Variants in LEF1 observed in about 807,000 individuals in gnomAD.
LEF1 encodes lymphoid enhancer-binding factor 1.
In LEF1, 14 loss-of-function variants were observed where a neutral mutation model predicts 51.2. That is an observed-to-expected ratio of 0.27 (90% CI 0.18 to 0.43). The LOEUF (loss-of-function observed/expected upper bound fraction) is 0.43, where lower values mean the gene tolerates loss of function less well. LEF1 is among the 20% of genes least tolerant of loss of function. The pLI is 1.00. For missense variants in LEF1, 386 were observed against 512.0 expected (o/e 0.75, Z 2.37); for synonymous variants, 185 against 183.2 (o/e 1.01, Z -0.08).
At chr4:108,091,754 A>T (rs2110272877) in intron 3 of LEF1, among the ~76,000 whole-genome samples, 1 of 152,294 alleles carries the variant, frequency 6.6e-6, no homozygotes, top group Admixed American at 6.5e-5. Flanking sequence ...AAATACATGG[A>T]ATTTAGAATG....
chr4:108,064,571 G>A (rs371002327), intron 9 of LEF1, among the ~76,000 whole-genome samples, 187 bp from the exon 10 acceptor site: 6 of 152,156 alleles, frequency 3.9e-5, no homozygotes, highest in African/African-American at 9.6e-5. Context: ...GTGACCTGGT[G>A]ACCTTTGTCT....
intron 5 of LEF1, among the ~76,000 whole-genome samples, chr4:108,082,233 G>C (rs773256354): frequency 6.6e-6 from 1 of 152,068 alleles, no homozygotes; most frequent in Non-Finnish European, 1.5e-5. Context: ...TTTTCCCTCT[G>C]TTCTCTCTAC....
At chr4:108,099,483 A>G (rs1197134326) in intron 3 of LEF1, among the ~76,000 whole-genome samples, 1 of 148,916 alleles carries the variant, frequency 6.7e-6, no homozygotes. Context: ...CTGAGAGTCA[A>G]GTCTATACAC....
chr4:108,129,089 C>G (rs1313014867), intron 3 of LEF1, among the ~76,000 whole-genome samples: 1 of 152,158 alleles, frequency 6.6e-6, no homozygotes, highest in African/African-American at 2.4e-5. Flanking sequence ...CAGGACATCC[C>G]TTCTGCTTCT....
intron 3 of LEF1, among the ~76,000 whole-genome samples, chr4:108,158,721 T>C (rs1026927186): frequency 1.3e-5 from 2 of 151,392 alleles, no homozygotes; most frequent in Non-Finnish European, 2.9e-5. Context: ...CTAAAGAACA[T>C]TAAAAAAAAA....
chr4:108,061,122 G>A (rs186111973), intron 11 of LEF1, among the ~76,000 whole-genome samples: 187 of 152,266 alleles, frequency 1.2e-3, no homozygotes, highest in African/African-American at 4.2e-3. Context: ...TGACTGATCC[G>A]GGAATGAGAG....
At chr4:108,126,344 G>T (rs1411249143) in intron 3 of LEF1, among the ~76,000 whole-genome samples, 2 of 152,086 alleles carry the variant, frequency 1.3e-5, no homozygotes, top group Non-Finnish European at 2.9e-5. Flanking sequence ...TGATCTTCTT[G>T]TGTCTTTGGT....
intron 11 of LEF1, among the ~76,000 whole-genome samples, chr4:108,057,985 G>A (rs775440267): frequency 6.6e-5 from 10 of 151,134 alleles, no homozygotes; most frequent in Non-Finnish European, 1.0e-4. Flanking sequence ...GTGATTCTCC[G>A]GCCTCAGCCT....
At chr4:108,062,235 C>G (rs935155286) in intron 11 of LEF1, among the ~76,000 whole-genome samples, 3 of 152,184 alleles carry the variant, frequency 2.0e-5, no homozygotes, top group African/African-American at 7.2e-5. Flanking sequence ...TGTTTGAAAC[C>G]TCAGCACCAA....
At chr4:108,082,615 G>A (rs934903938) in intron 5 of LEF1, among the ~76,000 whole-genome samples, 1 of 152,248 alleles carries the variant, frequency 6.6e-6, no homozygotes, top group East Asian at 1.9e-4. Context: ...AGGGAGAATT[G>A]GAGAGGGAAG....
At chr4:108,099,502 A>G (rs954981088) in intron 3 of LEF1, among the ~76,000 whole-genome samples, 8 of 137,540 alleles carry the variant, frequency 5.8e-5, no homozygotes, top group Non-Finnish European at 9.5e-5. Context: ...ACATGTATGT[A>G]TATATATATG....
chr4:108,074,911 T>C (rs1738744629), intron 8 of LEF1, among the ~76,000 whole-genome samples: 1 of 152,210 alleles, frequency 6.6e-6, no homozygotes, highest in African/African-American at 2.4e-5. Context: ...TAATTCCCAC[T>C]GGAGGGCCAG....
chr4:108,145,707 C>G lies in LEF1; in HGVS notation c.414+17861G>C, dbSNP rs945120370. On this transcript the variant is annotated intron_variant, in intron 3 of 11. Coordinates refer to ENST00000265165, the MANE Select transcript of LEF1 (RefSeq NM_016269.5). Reference sequence around the variant, plus strand: ...GAATGAACCCTGAATACATTACACTCAGTGAAAGAAGCCAGTCACAAAGGA... The same window carrying G: ...GAATGAACCCTGAATACATTACACTGAGTGAAAGAAGCCAGTCACAAAGGA... 2.6e-5 allele frequency among the ~76,000 whole-genome samples: 4 copies of G among 152,158 alleles called. No homozygotes were observed. The East Asian group carries it at 7.7e-4, about 29-fold the overall frequency.
intron 11 of LEF1, among the ~76,000 whole-genome samples, chr4:108,052,475 T>G (rs187085679): frequency 3.7e-4 from 57 of 152,262 alleles, no homozygotes; most frequent in African/African-American, 1.3e-3. Flanking sequence ...AAAATGGAAT[T>G]CCAGCATCAC....
intron 3 of LEF1, among the ~76,000 whole-genome samples, chr4:108,090,828 T>C (rs1739972823): frequency 2.0e-5 from 3 of 152,086 alleles, no homozygotes; most frequent in African/African-American, 7.2e-5. Flanking sequence ...ATTAACAACT[T>C]CTCTAGGGGA....
Position 108,083,451 on chromosome 4 carries a change from T to A in LEF1, c.548-5A>T, listed in dbSNP as rs759463820. The A allele has an allele frequency of 1.3e-6, 2 of 1,585,096 alleles. No individual in the cohort carries two copies. Among genetic ancestry groups the A allele is most frequent in the Non-Finnish European group, 1.7e-6 (2 of 1,154,602 alleles). On this transcript the variant is annotated splice_polypyrimidine_tract_variant and splice_region_variant and intron_variant, in intron 4 of 11. Coordinates refer to ENST00000265165, the MANE Select transcript of LEF1 (RefSeq NM_016269.5). The stretch of plus-strand genomic sequence containing the variant: ...CTGGAGGATGTCTGGACATGCCTGT[T>A]AAACAGAACAGAGAGGTATCATTTA...
At chr4:108,099,598 ATATATATATATATATAT>A in intron 3 of LEF1, among the ~76,000 whole-genome samples, 1 of 130,276 alleles carries the variant, frequency 7.7e-6, no homozygotes. Context: ...ATATATATAT[ATATATATATATATATAT>A]ATAAATAATA....
rs186322254 is a variant in LEF1 at position 108,078,598 on chromosome 4, T to C, written c.846-216A>G. 9.2e-5 allele frequency: 54 copies of C among 587,930 alleles called. No homozygotes were observed. The East Asian group carries it at 1.3e-3, about 15-fold the overall frequency. 36.4% of individuals were successfully genotyped at this position (587,930 alleles called of 1,614,324 possible). A position where few individuals can be genotyped will look rare whatever the true frequency, so the allele number is the denominator to read the frequency against. ...CCATCCAATAGGGCTTCCTATCTAC[T>C]CAGTGACTGAGAATAAAACCCTTTG... On this transcript the variant is annotated intron_variant, in intron 7 of 11. Coordinates refer to ENST00000265165, the MANE Select transcript of LEF1 (RefSeq NM_016269.5).
intron 3 of LEF1, among the ~76,000 whole-genome samples, chr4:108,123,613 A>G (rs1464112586): frequency 6.6e-6 from 1 of 151,998 alleles, no homozygotes; most frequent in East Asian, 1.9e-4. Flanking sequence ...TTCAAAATGT[A>G]TATTTTGGGG....
Sources: allele counts gnomAD v4.1 joint callset (sites outside exome capture counted in the v4.1 genomes callset), GRCh38; gene constraint gnomAD v4.1.1; transcripts MANE v1.5; gene names NCBI Gene and HGNC (gene_info 2026-07-23, HGNC 2026-07-21).